Variants in RALYL observed in about 807,000 individuals in gnomAD.
The protein encoded by RALYL is RALY RNA binding protein like, also known as RNA-binding Raly-like protein.
In RALYL, 29 loss-of-function variants were observed where a neutral mutation model predicts 35.1. That is an observed-to-expected ratio of 0.83 (90% CI 0.61 to 1.13). The LOEUF is 1.13. RALYL is among the 50% of genes most tolerant of loss of function. RALYL has a pLI of 0.00. For missense variants in RALYL, 359 were observed against 360.4 expected (o/e 1.00, Z 0.03); for synonymous variants, 120 against 127.6 (o/e 0.94, Z 0.40).
chr8:84,474,551 G>A (rs942465835), intron 1 of RALYL, among the ~76,000 whole-genome samples: 1 of 151,894 alleles, frequency 6.6e-6, no homozygotes, highest in Non-Finnish European at 1.5e-5. Flanking sequence ...TTGTATATGT[G>A]GAATAAATTC....
chr8:84,229,669 A>C (rs1824864061), intron 1 of RALYL, among the ~76,000 whole-genome samples: 1 of 152,338 alleles, frequency 6.6e-6, no homozygotes, highest in South Asian at 2.1e-4. Flanking sequence ...TAATTGAAGA[A>C]TAATTAGATA....
chr8:84,333,220 A>C (rs975218706), intron 1 of RALYL, among the ~76,000 whole-genome samples: 1 of 152,114 alleles, frequency 6.6e-6, no homozygotes, highest in Non-Finnish European at 1.5e-5. Context: ...AATGTTGGAC[A>C]CCTCACTATA....
chr8:84,795,543 C>G (rs1821714780), intron 3 of RALYL, among the ~76,000 whole-genome samples: 1 of 152,112 alleles, frequency 6.6e-6, no homozygotes, highest in Admixed American at 6.5e-5. Context: ...ATTATTTGTA[C>G]ATTGGTTTAT....
chr8:84,407,016 CTCTA>C (rs1187419785), intron 1 of RALYL, among the ~76,000 whole-genome samples: 17 of 142,402 alleles, frequency 1.2e-4, no homozygotes, highest in African/African-American at 4.6e-4. Context: ...CTCTCTCTCT[CTCTA>C]TATATATATA....
intron 1 of RALYL, among the ~76,000 whole-genome samples, chr8:84,449,522 T>C (rs943246975): frequency 1.3e-5 from 2 of 152,058 alleles, no homozygotes; most frequent in Non-Finnish European, 1.5e-5. Flanking sequence ...TTTAACTGTT[T>C]AGTGCCTTCA....
At chr8:84,663,850 G>A (rs1831390719) in intron 2 of RALYL, among the ~76,000 whole-genome samples, 1 of 151,944 alleles carries the variant, frequency 6.6e-6, no homozygotes, top group South Asian at 2.1e-4. Context: ...TTTTGCTTTT[G>A]TTGCAATTGC....
chr8:84,577,678 C>G (rs764496390), intron 2 of RALYL, among the ~76,000 whole-genome samples: 1 of 151,914 alleles, frequency 6.6e-6, no homozygotes. Flanking sequence ...CATTTTGTCA[C>G]TCTAGTCTCT....
At chr8:84,466,740 C>T (rs2133548694) in intron 1 of RALYL, among the ~76,000 whole-genome samples, 2 of 151,418 alleles carry the variant, frequency 1.3e-5, no homozygotes, top group African/African-American at 4.8e-5. Context: ...CCTTGTACCT[C>T]TGGTAGAATT....
chr8:84,509,872 G>T (rs711040), intron 1 of RALYL, among the ~76,000 whole-genome samples: 138,500 of 152,192 alleles, frequency 0.91, 63,095 homozygotes, highest in East Asian at 1. Flanking sequence ...GTACCACTAA[G>T]CTATTTCTCC....
intron 4 of RALYL, among the ~76,000 whole-genome samples, chr8:84,810,432 G>A (rs1367829282): frequency 8.5e-5 from 13 of 152,084 alleles, no homozygotes; most frequent in Admixed American, 7.2e-4. Context: ...AAAGTCCCAT[G>A]CACTCTTGAA....
intron 1 of RALYL, among the ~76,000 whole-genome samples, chr8:84,320,530 T>A (rs1844609002): frequency 6.6e-6 from 1 of 152,090 alleles, no homozygotes; most frequent in South Asian, 2.1e-4. Context: ...TATAAAAGTA[T>A]GTCTTATATG....
intron 3 of RALYL, among the ~76,000 whole-genome samples, chr8:84,775,711 C>T (rs1307134777): frequency 6.6e-6 from 1 of 152,128 alleles, no homozygotes; most frequent in Non-Finnish European, 1.5e-5. Flanking sequence ...CTTTGTTGTT[C>T]TGTATATACT....
chr8:84,190,509 A>G (rs148808601), intron 1 of RALYL, among the ~76,000 whole-genome samples: 2 of 152,352 alleles, frequency 1.3e-5, no homozygotes, highest in South Asian at 2.1e-4. Context: ...AGACTTGGTC[A>G]TAAGTCCTCA....
intron 1 of RALYL, among the ~76,000 whole-genome samples, chr8:84,403,536 T>TG (rs1198812034): frequency 1.5e-5 from 2 of 133,336 alleles, no homozygotes; most frequent in Admixed American, 7.3e-5. Context: ...TTTTTTTTTT[T>TG]TTTTTTTTTT....
chr8:84,884,606 CA>C (rs1842680810), intron 7 of RALYL, among the ~76,000 whole-genome samples: 1 of 151,864 alleles, frequency 6.6e-6, no homozygotes, highest in African/African-American at 2.4e-5. Context: ...TCTCAAAGAG[CA>C]AATATTTCTG....
intron 2 of RALYL, among the ~76,000 whole-genome samples, chr8:84,569,765 A>G (rs989239428): frequency 1.3e-5 from 2 of 151,880 alleles, no homozygotes; most frequent in Non-Finnish European, 2.9e-5. Context: ...ATTTTTATAT[A>G]TGATGAGGGA....
At chr8:84,510,677 G>T (rs1265059212) in intron 1 of RALYL, among the ~76,000 whole-genome samples, 1 of 152,106 alleles carries the variant, frequency 6.6e-6, no homozygotes, top group Non-Finnish European at 1.5e-5. Context: ...GTGCCTGGTG[G>T]CACATGCCTG....
At chr8:84,709,915 G>T (rs1305142387) in intron 2 of RALYL, among the ~76,000 whole-genome samples, 1 of 152,034 alleles carries the variant, frequency 6.6e-6, no homozygotes, top group Non-Finnish European at 1.5e-5. Flanking sequence ...ACCAAAATTA[G>T]CTGGGCGTGG....
In RALYL at chr8:84,581,921, G is replaced by A. The variant is rs111817230; in HGVS notation, c.256+52344G>A. ...AAACAATAGATAAAGAAAAATTCTGGCCAGTTTAATTCTGATGTATTTTAT... is the reference window on the plus strand; with the variant it reads ...AAACAATAGATAAAGAAAAATTCTGACCAGTTTAATTCTGATGTATTTTAT... On this transcript the variant is annotated intron_variant, in intron 2 of 8. Transcript: ENST00000521268. Among the ~76,000 whole-genome samples the A allele has an allele frequency of 6.7e-3, 1,012 of 152,120 alleles. 6 individuals are homozygous for A. The highest frequency in any genetic ancestry group is 0.023 in the African/African-American group (937 of 41,526).
Sources: gnomAD v4.1 joint callset for allele counts (sites outside exome capture counted in the v4.1 genomes callset) on GRCh38, gnomAD v4.1.1 for gene constraint, MANE v1.5 for transcripts, NCBI Gene and HGNC (gene_info 2026-07-23, HGNC 2026-07-21) for gene names.